The following GPR137C variants were observed in gnomAD, a reference collection of about 807,000 sequenced individuals.
The protein encoded by GPR137C is G protein-coupled receptor 137C.
GPR137C carries 27 observed loss-of-function variants against 43.4 expected under a neutral mutation model. That is an observed-to-expected ratio of 0.62 (90% CI 0.46 to 0.86). The LOEUF is 0.86. Among genes scored for constraint, GPR137C ranks in the 40% least tolerant of loss-of-function variants. The probability of loss-of-function intolerance (pLI) is 0.00; values close to 1 mark genes in which losing one functional copy is unlikely to be tolerated. For synonymous variants in GPR137C, 285 were observed against 226.9 expected, an observed-to-expected ratio of 1.26 and a Z score of -2.30; for missense variants, 522 against 534.6, an observed-to-expected ratio of 0.98 and a Z score of 0.23.
chr14:52,630,491 G>T (rs35098504), intron 3 of GPR137C, among the ~76,000 whole-genome samples: 68,478 of 151,900 alleles, frequency 0.45, 16,266 homozygotes, highest in Middle Eastern at 0.56. Context: ...ATAGCATATT[G>T]TAGAAAATTT....
At chr14:52,573,163 A>G (rs1033555098) in intron 1 of GPR137C, among the ~76,000 whole-genome samples, 2 of 152,224 alleles carry the variant, frequency 1.3e-5, no homozygotes, top group African/African-American at 2.4e-5. Context: ...CAATATCTAG[A>G]TTAAGTGCTA....
chr14:52,588,818 G>A (rs186531373), intron 1 of GPR137C, among the ~76,000 whole-genome samples: 6 of 152,088 alleles, frequency 3.9e-5, no homozygotes, highest in Non-Finnish European at 7.4e-5. Context: ...TAATTATACT[G>A]TGGTTACATA....
rs1594813612 is a variant in GPR137C, at chr14:52,636,897, A to C, written c.*1782A>C. 1 of 152,146 alleles carries C rather than the reference A, an allele frequency of 6.6e-6. No individual in the cohort carries two copies. The highest frequency in any genetic ancestry group is 1.5e-5 in the Non-Finnish European group (1 of 67,986). The allele number at this position is 152,146 out of a possible 1,614,324, so 9.4% of individuals were successfully genotyped here. A position where few individuals can be genotyped will look rare whatever the true frequency, so the allele number is the denominator to read the frequency against. On this transcript the variant is annotated 3_prime_UTR_variant, in exon 7 of 7. Coordinates refer to ENST00000321662, the MANE Select transcript of GPR137C (RefSeq NM_001099652.2). ...AACTCCAGTTGTTAGATTGCTTCTC[A>C]GAATGCTAACTGTTTATTTTGCTAA...
chr14:52,600,212 G>A lies in GPR137C; in HGVS notation c.588G>A (p.Gln196=), dbSNP rs765364937. 1 of 1,613,796 alleles carries A rather than the reference G, an allele frequency of 6.2e-7. No individual in the cohort carries two copies. ...TTCATGGAGATGTCCCAGAAAATCA[G>A]TTGAAGTGGACTGTGTTTGTTCGAG... ...MLVHGDVPEN[Q]LKWTVFVRAL... Residue 196 remains glutamine, a synonymous_variant, in exon 3 of 7, where the codon CAG becomes CAA. Coordinates refer to ENST00000321662, the MANE Select transcript of GPR137C (RefSeq NM_001099652.2).
At chr14:52,596,611 G>A (rs1280475011) in intron 1 of GPR137C, among the ~76,000 whole-genome samples, 1 of 152,208 alleles carries the variant, frequency 6.6e-6, no homozygotes, top group Non-Finnish European at 1.5e-5. Context: ...GGCTCTGTGG[G>A]CGTGGGACCC....
chr14:52,596,612 C>T (rs1007283188), intron 1 of GPR137C, among the ~76,000 whole-genome samples: 1 of 152,204 alleles, frequency 6.6e-6, no homozygotes. Flanking sequence ...GCTCTGTGGG[C>T]GTGGGACCCA....
intron 3 of GPR137C, among the ~76,000 whole-genome samples, chr14:52,611,311 C>A (rs989340397): frequency 1.3e-5 from 2 of 151,746 alleles, no homozygotes. Flanking sequence ...TGTGTGATTT[C>A]TGTTTATATT....
intron 1 of GPR137C, among the ~76,000 whole-genome samples, chr14:52,560,398 C>A (rs1053338705): frequency 6.6e-6 from 1 of 152,134 alleles, no homozygotes; most frequent in African/African-American, 2.4e-5. Context: ...ATTTTGGTAG[C>A]TGTTGCCAAG....
intron 3 of GPR137C, among the ~76,000 whole-genome samples, chr14:52,606,680 A>C (rs1395520480): frequency 6.6e-6 from 1 of 152,036 alleles, no homozygotes; most frequent in Non-Finnish European, 1.5e-5. Context: ...AGTTTTAATT[A>C]TTTGAGTCTT....
chr14:52,570,442 C>T (rs1347764945), intron 1 of GPR137C, among the ~76,000 whole-genome samples: 5 of 152,204 alleles, frequency 3.3e-5, no homozygotes, highest in East Asian at 1.9e-4. Context: ...CATCGACTAA[C>T]GGGCAAAATA....
At chr14:52,570,206 A>G (rs1240667277) in intron 1 of GPR137C, among the ~76,000 whole-genome samples, 1 of 152,200 alleles carries the variant, frequency 6.6e-6, no homozygotes, top group East Asian at 1.9e-4. Context: ...ATTCTTGAAG[A>G]AAAGAATTTT....
intron 3 of GPR137C, among the ~76,000 whole-genome samples, chr14:52,600,834 C>CT (rs1455632750): frequency 1.3e-5 from 2 of 152,062 alleles, no homozygotes; most frequent in Non-Finnish European, 2.9e-5. Flanking sequence ...TAAAATCATG[C>CT]TAGCATCTTA....
intron 1 of GPR137C, among the ~76,000 whole-genome samples, chr14:52,585,423 C>T (rs1305167406): frequency 6.6e-6 from 1 of 152,216 alleles, no homozygotes; most frequent in African/African-American, 2.4e-5. Context: ...CACTCTCCAT[C>T]TTCTACTTCG....
chr14:52,635,261 G>A lies in GPR137C; in HGVS notation c.*146G>A. ...GTGGCTGTGTTTGGTAAATAACACA[G>A]CTATTATTTTTGACCTCTTCATAGT... On this transcript the variant is annotated 3_prime_UTR_variant, in exon 7 of 7. Coordinates refer to ENST00000321662, the MANE Select transcript of GPR137C (RefSeq NM_001099652.2). The A allele has an allele frequency of 1.7e-6, 1 of 601,158 alleles. No homozygotes were observed. The highest frequency in any genetic ancestry group is 3.1e-5 in the South Asian group (1 of 32,720). The allele number at this position is 601,158 out of a possible 1,614,324, so 37.2% of individuals were successfully genotyped here.
At chr14:52,577,032 A>G (rs1427092184) in intron 1 of GPR137C, among the ~76,000 whole-genome samples, 1 of 140,080 alleles carries the variant, frequency 7.1e-6, no homozygotes, top group Admixed American at 7.1e-5. Flanking sequence ...TCTGCTAAAA[A>G]TACAAAAACT....
chr14:52,586,939 A>ATTTTCTACAC (rs1566612159), intron 1 of GPR137C, among the ~76,000 whole-genome samples: 1 of 152,156 alleles, frequency 6.6e-6, no homozygotes, highest in Non-Finnish European at 1.5e-5. Context: ...ACCGTAATGC[A>ATTTTCTACAC]TTTTCTACAC....
chr14:52,594,263 A>G (rs1418712591), intron 1 of GPR137C, among the ~76,000 whole-genome samples: 1 of 152,174 alleles, frequency 6.6e-6, no homozygotes, highest in Non-Finnish European at 1.5e-5. Flanking sequence ...CAATTTTAGA[A>G]TAAGTGTGAT....
intron 1 of GPR137C, among the ~76,000 whole-genome samples, chr14:52,578,122 G>T (rs1352436117): frequency 6.6e-6 from 1 of 152,064 alleles, no homozygotes; most frequent in Non-Finnish European, 1.5e-5. Flanking sequence ...TTTGATTCCA[G>T]TGTTCTGAAA....
intron 3 of GPR137C, among the ~76,000 whole-genome samples, chr14:52,604,562 C>T (rs1411276940): frequency 2.0e-5 from 3 of 152,016 alleles, no homozygotes; most frequent in Non-Finnish European, 4.4e-5. Flanking sequence ...TCTCCAGCCT[C>T]AGCCTCCCAT....
Sources: gnomAD v4.1 joint callset for allele counts (sites outside exome capture counted in the v4.1 genomes callset) on GRCh38, gnomAD v4.1.1 for gene constraint, MANE v1.5 for transcripts, NCBI Gene and HGNC (gene_info 2026-07-23, HGNC 2026-07-21) for gene names.